The following GPC4 variants were observed in gnomAD, a reference collection of about 807,000 sequenced individuals.
The protein encoded by GPC4 is glypican-4.
In GPC4, 10 loss-of-function variants were observed where a neutral mutation model predicts 35.0. The ratio of observed to expected loss-of-function variants is 0.29; its 90% CI spans 0.18 to 0.48. The LOEUF is 0.48. Ranked by LOEUF, GPC4 falls within the 20% of genes least tolerant of loss-of-function variation. The pLI, the probability that GPC4 is intolerant of heterozygous loss-of-function variation, is 0.99. For missense variants in GPC4, 322 were observed against 451.3 expected (o/e 0.71, Z 2.60); for synonymous variants, 167 against 170.2 (o/e 0.98, Z 0.15).
intron 1 of GPC4, among the ~76,000 whole-genome samples, chrX:133,362,251 G>A (rs756460678): frequency 9.2e-6 from 1 of 108,398 alleles, no homozygotes; most frequent in South Asian, 4.2e-4. Flanking sequence ...GAGGAGAGGA[G>A]AGGAAGGAAA....
At chrX:133,390,869 T>C (rs1051070611) in intron 1 of GPC4, among the ~76,000 whole-genome samples, 1 of 111,316 alleles carries the variant, frequency 9.0e-6, no homozygotes, top group Non-Finnish European at 1.9e-5. Context: ...CCCCAGCTGG[T>C]CAGCAGCAAG....
At chrX:133,367,540 G>A (rs574799756) in intron 1 of GPC4, among the ~76,000 whole-genome samples, 1 of 112,290 alleles carries the variant, frequency 8.9e-6, no homozygotes, top group African/African-American at 3.2e-5. Flanking sequence ...GGCCAAACCA[G>A]GACACATGGG....
Position 133,322,929 on chromosome X carries a change from T to C in GPC4, c.711+1216A>G, listed in dbSNP as rs188021850. Among the ~76,000 whole-genome samples the C allele has an allele frequency of 2.7e-4, 30 of 111,745 alleles. No homozygotes were observed. The East Asian group carries it at 7.6e-3, about 28-fold the overall frequency. ...ATGTTTCTTCCCTGGTATTGACTCA[T>C]GGAAAGGTAGAGGTGGTGGGGTCTT... On this transcript the variant is annotated intron_variant, in intron 3 of 8. Transcript: ENST00000370828.
intron 7 of GPC4, among the ~76,000 whole-genome samples, 165 bp from the exon 8 acceptor site, chrX:133,303,506 T>C (rs1480160262): frequency 8.9e-6 from 1 of 112,228 alleles, no homozygotes; most frequent in Non-Finnish European, 1.9e-5. Context: ...CAAAATTAGA[T>C]GGAAGTTCTT....
chrX:133,366,371 A>G (rs2068590156), intron 1 of GPC4, among the ~76,000 whole-genome samples: 1 of 111,574 alleles, frequency 9.0e-6, no homozygotes, highest in South Asian at 3.8e-4. Context: ...AGAGCACACC[A>G]CTGGTTTTCT....
intron 1 of GPC4, among the ~76,000 whole-genome samples, chrX:133,404,843 C>A (rs2091632760): frequency 1.7e-5 from 1 of 59,810 alleles, no homozygotes. Context: ...AAGAGTGAGA[C>A]CCTGTCTCAA....
chrX:133,360,461 T>C (rs1317241117), intron 1 of GPC4, among the ~76,000 whole-genome samples: 5 of 110,396 alleles, frequency 4.5e-5, no homozygotes, highest in African/African-American at 1.7e-4. Flanking sequence ...CCTAGAAGTA[T>C]AGCAATGGCT....
At chrX:133,397,562 A>G (rs1289944659) in intron 1 of GPC4, among the ~76,000 whole-genome samples, 3 of 109,675 alleles carry the variant, frequency 2.7e-5, no homozygotes, top group Admixed American at 9.8e-5. Flanking sequence ...GTCTCAAAAA[A>G]AAAAAAGTAA....
chrX:133,361,479 G>A (rs138551621), intron 1 of GPC4, among the ~76,000 whole-genome samples: 382 of 110,991 alleles, frequency 3.4e-3, no homozygotes, highest in Admixed American at 6.4e-3. Flanking sequence ...TTTGGGAAGA[G>A]AGATTCTGCT....
intron 3 of GPC4, among the ~76,000 whole-genome samples, chrX:133,315,652 C>T (rs1800592787): frequency 9.0e-6 from 1 of 111,471 alleles, no homozygotes; most frequent in Admixed American, 9.6e-5. Flanking sequence ...TAGATCATGC[C>T]ACACAGGGAT....
chrX:133,303,398 T>C (rs2068276635), intron 7 of GPC4, 57 bp from the exon 8 acceptor site: 2 of 1,025,421 alleles, frequency 2.0e-6, no homozygotes, highest in African/African-American at 1.9e-5. Context: ...ATTTTATCTG[T>C]CTGCCTCCCA....
At chrX:133,356,742 T>TAAAAG (rs2068543211) in intron 1 of GPC4, among the ~76,000 whole-genome samples, 1 of 111,612 alleles carries the variant, frequency 9.0e-6, no homozygotes, top group South Asian at 3.8e-4. Context: ...CTTTTCTTTA[T>TAAAAG]AAATTACCCA....
chrX:133,305,996 C>G (rs757001823), intron 5 of GPC4, 28 bp downstream of exon 5: 1 of 1,208,612 alleles, frequency 8.3e-7, no homozygotes, highest in Non-Finnish European at 1.1e-6. Context: ...GTCCCTAGCT[C>G]CCCTTTCCAG....
At position 133,369,643 on chromosome X, in the gene GPC4, T is replaced by A. The variant is rs114141246; in HGVS notation, c.161-30302A>T. Among the ~76,000 whole-genome samples, 317 of 112,467 alleles carry A rather than the reference T, an allele frequency of 2.8e-3. 1 individual carries two copies. Among genetic ancestry groups the A allele is most frequent in the African/African-American group, 9.6e-3 (299 of 31,008 alleles). ...TCTTTGCAGGATAATTATTTCTGCA[T>A]ATGATATGATTATTTAAGTGAGGAT... is the stretch of plus-strand genomic sequence containing the variant. On this transcript the variant is annotated intron_variant, in intron 1 of 8. Coordinates refer to ENST00000370828, the MANE Select transcript of GPC4 (RefSeq NM_001448.3).
intron 2 of GPC4, among the ~76,000 whole-genome samples, chrX:133,333,538 C>A (rs1297164543): frequency 2.7e-5 from 3 of 112,868 alleles, no homozygotes; most frequent in Non-Finnish European, 5.6e-5. Context: ...AGTAAGCTGG[C>A]AGTGGCTCAT....
At chrX:133,338,611 T>C (rs1239360976) in intron 2 of GPC4, among the ~76,000 whole-genome samples, 1 of 111,633 alleles carries the variant, frequency 9.0e-6, no homozygotes, top group Non-Finnish European at 1.9e-5. Flanking sequence ...GGCTTTTACA[T>C]GGAAAGACTA....
chrX:133,411,429 T>C (rs1278029882), intron 1 of GPC4, among the ~76,000 whole-genome samples: 2 of 112,172 alleles, frequency 1.8e-5, no homozygotes, highest in Non-Finnish European at 3.8e-5. Flanking sequence ...TGAAAATGGT[T>C]AGATTTTTAA....
rs1420890348 is a variant in GPC4 at position 133,300,564 on chromosome X, ATTTG to A, written c.*2299_*2302del. The A allele has an allele frequency of 8.9e-6, 1 of 112,077 alleles. No homozygotes were observed. The highest frequency in any genetic ancestry group is 3.2e-5 in the African/African-American group (1 of 30,853). 9.2% of individuals were successfully genotyped at this position (112,077 alleles called of 1,213,427 possible). A position where few individuals can be genotyped will look rare whatever the true frequency, so the allele number is the denominator to read the frequency against. ...TCAGACCTGAATGGAAAAATCTATG[ATTTG>A]TTTATTTCATAGTTGAAGTTCAAAA... On this transcript the variant is annotated 3_prime_UTR_variant, in exon 9 of 9. Transcript: ENST00000370828.
At chrX:133,384,476 A>G (rs2068678988) in intron 1 of GPC4, among the ~76,000 whole-genome samples, 1 of 111,651 alleles carries the variant, frequency 9.0e-6, no homozygotes, top group African/African-American at 3.3e-5. Flanking sequence ...TTCGGTTTGA[A>G]AGGTTACGTA....
Sources: gnomAD v4.1 joint callset for allele counts (sites outside exome capture counted in the v4.1 genomes callset) on GRCh38, gnomAD v4.1.1 for gene constraint, MANE v1.5 for transcripts, NCBI Gene and HGNC (gene_info 2026-07-23, HGNC 2026-07-21) for gene names.